Variants in AMZ2 observed in about 807,000 individuals in gnomAD.
AMZ2 encodes archaelysin family metallopeptidase 2.
A neutral mutation model predicts 36.7 loss-of-function variants in AMZ2; 26 were observed. That is an observed-to-expected ratio of 0.71 (90% CI 0.52 to 0.98). The LOEUF (loss-of-function observed/expected upper bound fraction) is 0.98. Among genes scored for constraint, AMZ2 ranks in the 50% least tolerant of loss-of-function variants. AMZ2 has a pLI of 0.00. For missense variants in AMZ2, 394 were observed against 430.5 expected (o/e 0.92, Z 0.75); for synonymous variants, 144 against 149.1 (o/e 0.97, Z 0.25).
At chr17:68,254,152 C>G (rs1271295757) in intron 4 of AMZ2, among the ~76,000 whole-genome samples, 1 of 152,216 alleles carries the variant, frequency 6.6e-6, no homozygotes, top group Non-Finnish European at 1.5e-5. Flanking sequence ...ACTTCAGTTT[C>G]TCAAGCATTT....
At chr17:68,233,763 C>G (rs1411547732) in intron 1 of AMZ2, among the ~76,000 whole-genome samples, 1 of 150,676 alleles carries the variant, frequency 6.6e-6, no homozygotes. Context: ...GCTCTGTTGC[C>G]CAGGCTGGAG....
At chr17:68,238,506 C>A (rs1408079525) in intron 1 of AMZ2, among the ~76,000 whole-genome samples, 2 of 152,020 alleles carry the variant, frequency 1.3e-5, no homozygotes, top group South Asian at 2.1e-4. Flanking sequence ...TTGCTCAATT[C>A]TTTGACTTTA....
intron 1 of AMZ2, among the ~76,000 whole-genome samples, chr17:68,232,120 TA>T (rs34203351): frequency 0.34 from 34,320 of 100,166 alleles, 5,052 homozygotes; most frequent in African/African-American, 0.46. Context: ...CTGAAGTTTG[TA>T]AAAAAAAAAA....
chr17:68,216,256 C>A (rs2073190129), intron 1 of AMZ2, among the ~76,000 whole-genome samples: 1 of 152,138 alleles, frequency 6.6e-6, no homozygotes. Context: ...ACCTCAGCCC[C>A]CCTAGGAGCT....
chr17:68,253,974 A>C (rs369716722), intron 4 of AMZ2, among the ~76,000 whole-genome samples: 1 of 152,042 alleles, frequency 6.6e-6, no homozygotes, highest in South Asian at 2.1e-4. Context: ...TGAGCTTCTG[A>C]CATCAGGTGA....
chr17:68,246,195 C>CAGAAAAAAA (rs2074002157), upstream of AMZ2, among the ~76,000 whole-genome samples: 1 of 83,848 alleles, frequency 1.2e-5, no homozygotes, highest in Non-Finnish European at 2.2e-5. Flanking sequence ...ACTAAAAATA[C>CAGAAAAAAA]AAAAAAAAAA....
intron 1 of AMZ2, among the ~76,000 whole-genome samples, chr17:68,230,068 G>T (rs1555730850): frequency 1.3e-5 from 2 of 151,816 alleles, no homozygotes; most frequent in African/African-American, 4.8e-5. Context: ...TGTTTTTTTT[G>T]TTTTGTTTTG....
intron 1 of AMZ2, among the ~76,000 whole-genome samples, chr17:68,227,848 A>G (rs868953694): frequency 6.6e-6 from 1 of 152,296 alleles, no homozygotes; most frequent in African/African-American, 2.4e-5. Flanking sequence ...CAAAATAAAC[A>G]GAAAAGAACT....
intron 4 of AMZ2, among the ~76,000 whole-genome samples, chr17:68,253,582 G>A (rs2074654541): frequency 6.6e-6 from 1 of 152,126 alleles, no homozygotes; most frequent in South Asian, 2.1e-4. Flanking sequence ...TGGGGAAGGG[G>A]ACGAGGTTAT....
chr17:68,236,566 CTTT>C (rs782220711), intron 1 of AMZ2, among the ~76,000 whole-genome samples: 2 of 103,004 alleles, frequency 1.9e-5, no homozygotes, highest in African/African-American at 3.8e-5. Flanking sequence ...GGCAAACATC[CTTT>C]TTTTTTTTTT....
chr17:68,219,273 C>T (rs528184931), intron 1 of AMZ2, among the ~76,000 whole-genome samples: 4 of 152,156 alleles, frequency 2.6e-5, no homozygotes, highest in Non-Finnish European at 4.4e-5. Flanking sequence ...CTGCATCAGC[C>T]TTTTTCTAAC....
At chr17:68,247,557 C>T (rs868919857), upstream of AMZ2, 5 of 896,064 alleles carry the variant, frequency 5.6e-6, no homozygotes, top group African/African-American at 1.8e-5. Context: ...TGGGTTCCAG[C>T]CCCCGCGGCC....
chr17:68,252,966 T>C (rs1466658717), intron 4 of AMZ2, among the ~76,000 whole-genome samples: 1 of 152,246 alleles, frequency 6.6e-6, no homozygotes, highest in African/African-American at 2.4e-5. Flanking sequence ...AAATATTACA[T>C]GACATAAAAG....
intron 1 of AMZ2, among the ~76,000 whole-genome samples, chr17:68,229,253 C>G (rs1410620366): frequency 2.6e-5 from 4 of 152,156 alleles, no homozygotes; most frequent in Non-Finnish European, 5.9e-5. Flanking sequence ...ACGCAGCCCC[C>G]CATGATGTTT....
chr17:68,226,342 C>G (rs1198657353), intron 1 of AMZ2, among the ~76,000 whole-genome samples: 1 of 152,112 alleles, frequency 6.6e-6, no homozygotes, highest in Admixed American at 6.6e-5. Flanking sequence ...AATGGAGAAC[C>G]CAGGGAGGCT....
In AMZ2 at chr17:68,216,383, C is replaced by T. The variant is rs561782861; in HGVS notation, c.-67+10145C>T. ...TCCTGGGTTCAAGCAATCCTCCCAC[C>T]GCAGCCTCCCAAAGTGATAGGATTA... On this transcript the variant is annotated intron_variant, in intron 1 of 7. Transcript: ENST00000674770. 7.0e-4 allele frequency among the ~76,000 whole-genome samples: 107 copies of T among 152,270 alleles called. 4 individuals carry two copies. In the South Asian group the frequency reaches 0.021, roughly 29 times the overall value.
rs782054480 is a variant in AMZ2 at position 68,251,111 on chromosome 17, A to G, written c.519A>G (p.Ile173Met). The G allele has an allele frequency of 6.2e-7, 1 of 1,613,968 alleles. No individual in the cohort carries two copies. The highest frequency in any genetic ancestry group is 8.5e-7 in the Non-Finnish European group (1 of 1,179,960). Residue 173 changes from isoleucine (I) to methionine (M), a missense_variant, in exon 4 of 7, where the codon ATA (isoleucine) becomes ATG (methionine). By Grantham distance (10) the Ile-to-Met change is conservative. Transcript: ENST00000359904. The stretch of plus-strand genomic sequence containing the variant: ...AAGATGCCTTCTGTGTTGTGGGAAT[A>G]ACAATGATTGATCTTTACCCAAGAG... ...KPEDAFCVVG[I>M]TMIDLYPRDS...
Position 68,248,555 on chromosome 17 carries a change from C to A in AMZ2, c.-151C>A, listed in dbSNP as rs1555737220. On this transcript the variant is annotated 5_prime_UTR_variant, in exon 1 of 7. Transcript: ENST00000359904. ...TCTCCCGCAGCTTCCCTAGATTAGG[C>A]TTGGGAGGCAAGAGGAGGCCTCCTG... is the stretch of plus-strand genomic sequence containing the variant. The A allele has an allele frequency of 1.0e-6, 1 of 986,002 alleles. No homozygotes were observed. The highest frequency in any genetic ancestry group is 1.7e-5 in the African/African-American group (1 of 57,248). The allele number at this position is 986,002 out of a possible 1,614,324, so 61.1% of individuals were successfully genotyped here. A position where few individuals can be genotyped will look rare whatever the true frequency, so the allele number is the denominator to read the frequency against.
intron 1 of AMZ2, among the ~76,000 whole-genome samples, chr17:68,231,078 TC>T (rs199845627): frequency 0.058 from 8,856 of 151,710 alleles, 466 homozygotes; most frequent in Admixed American, 0.13. Flanking sequence ...CTTTTTTTTT[TC>T]CCAAGACCGG....
Sources: gnomAD v4.1 joint callset for allele counts (sites outside exome capture counted in the v4.1 genomes callset) on GRCh38, gnomAD v4.1.1 for gene constraint, MANE v1.5 for transcripts, NCBI Gene and HGNC (gene_info 2026-07-23, HGNC 2026-07-21) for gene names.